The following TRAPPC9 variants were observed in gnomAD, a reference collection of about 807,000 sequenced individuals.
The protein encoded by TRAPPC9 is IKK2 binding protein.
TRAPPC9 carries 83 observed loss-of-function variants against 124.0 expected under a neutral mutation model. That is an observed-to-expected ratio of 0.67 (90% CI 0.56 to 0.80). The LOEUF (loss-of-function observed/expected upper bound fraction) is 0.80, where lower values mean the gene tolerates loss of function less well. TRAPPC9 is among the 30% of genes least tolerant of loss of function. TRAPPC9 has a pLI of 0.00. For synonymous variants in TRAPPC9, 638 were observed against 617.5 expected (o/e 1.03, Z -0.49); for missense variants, 1,302 against 1,508.3 (o/e 0.86, Z 2.27).
chr8:140,016,146 G>GTA (rs893974084), intron 18 of TRAPPC9, among the ~76,000 whole-genome samples: 2 of 152,060 alleles, frequency 1.3e-5, no homozygotes, highest in African/African-American at 4.8e-5. Context: ...TCTCTCCAAC[G>GTA]TATATATATT....
intron 17 of TRAPPC9, among the ~76,000 whole-genome samples, chr8:140,079,467 A>G (rs777190638): frequency 4.3e-4 from 65 of 152,162 alleles, no homozygotes; most frequent in Non-Finnish European, 8.4e-4. Flanking sequence ...AGGACCAGAG[A>G]GGCCACAAGC....
At chr8:140,122,846 C>A (rs1250982888) in intron 17 of TRAPPC9, among the ~76,000 whole-genome samples, 2 of 152,208 alleles carry the variant, frequency 1.3e-5, no homozygotes, top group East Asian at 3.9e-4. Flanking sequence ...CTGAGCCCAT[C>A]TTGAAGGGCC....
chr8:140,395,817 G>C (rs1007866616), intron 7 of TRAPPC9, among the ~76,000 whole-genome samples: 1 of 151,566 alleles, frequency 6.6e-6, no homozygotes, highest in African/African-American at 2.4e-5. Flanking sequence ...CTCTCGTTAT[G>C]TGAGAAGCTG....
At chr8:140,060,311 G>A (rs73359136) in intron 17 of TRAPPC9, among the ~76,000 whole-genome samples, 2,904 of 152,328 alleles carry the variant, frequency 0.019, 88 homozygotes, top group African/African-American at 0.066. Context: ...GGATTCTTCA[G>A]TGCACACCTG....
At chr8:140,207,363 CTATT>C (rs1450712545) in intron 17 of TRAPPC9, among the ~76,000 whole-genome samples, 1 of 152,214 alleles carries the variant, frequency 6.6e-6, no homozygotes, top group African/African-American at 2.4e-5. Context: ...GACGTTGTCT[CTATT>C]TAAACTGCTT....
chr8:140,451,354 A>G lies in TRAPPC9; in HGVS notation c.20T>C (p.Met7Thr), dbSNP rs1326316828. The G allele has an allele frequency of 6.2e-7, 1 of 1,604,516 alleles. No homozygotes were observed. Among genetic ancestry groups the G allele is most frequent in the Non-Finnish European group, 8.5e-7 (1 of 1,179,982 alleles). ...CGTCTGGTGGTCCTCAGCACACTGCATGTAGTCAGGGACGCTCATTTTGAA... is the reference window on the plus strand; with the variant it reads ...CGTCTGGTGGTCCTCAGCACACTGCGTGTAGTCAGGGACGCTCATTTTGAA... MSVPDY[M>T]QCAEDHQTLL... The change falls in exon 2 of 23, where the codon ATG becomes ACG. Residue 7 changes from methionine (M) to threonine (T), a missense_variant. Met to Thr is a moderately conservative substitution (Grantham distance 81, BLOSUM62 -1). Coordinates refer to ENST00000438773, the MANE Select transcript of TRAPPC9 (RefSeq NM_001160372.4).
chr8:139,851,128 G>A (rs1827417493), intron 21 of TRAPPC9, among the ~76,000 whole-genome samples: 1 of 152,228 alleles, frequency 6.6e-6, no homozygotes, highest in African/African-American at 2.4e-5. Context: ...TAACCTGTCA[G>A]TGAATAGAGG....
intron 5 of TRAPPC9, among the ~76,000 whole-genome samples, chr8:140,425,503 G>T (rs1038950917): frequency 6.6e-6 from 1 of 152,122 alleles, no homozygotes; most frequent in Non-Finnish European, 1.5e-5. Flanking sequence ...CTTGAAAAGC[G>T]TCGGAAATCT....
intron 17 of TRAPPC9, among the ~76,000 whole-genome samples, chr8:140,093,197 G>T (rs893373673): frequency 1.3e-5 from 2 of 152,140 alleles, no homozygotes; most frequent in Non-Finnish European, 2.9e-5. Context: ...AATACTTCTT[G>T]ACAGAGATTC....
upstream of TRAPPC9, chr8:140,458,556 T>C (rs763073837): frequency 1.3e-6 from 2 of 1,574,472 alleles, no homozygotes; most frequent in Non-Finnish European, 1.7e-6. Context: ...GATCCCCAGC[T>C]GGCACCATGG....
chr8:140,305,180 C>T (rs369719837), intron 10 of TRAPPC9, among the ~76,000 whole-genome samples: 3 of 152,156 alleles, frequency 2.0e-5, no homozygotes, highest in South Asian at 2.1e-4. Flanking sequence ...CTCACAATCA[C>T]GCTCTCTCCC....
intron 19 of TRAPPC9, among the ~76,000 whole-genome samples, chr8:139,912,515 C>T (rs1054447109): frequency 1.3e-5 from 2 of 152,194 alleles, no homozygotes; most frequent in South Asian, 2.1e-4. Context: ...AGGAACTGTT[C>T]CCAGACATGG....
intron 17 of TRAPPC9, among the ~76,000 whole-genome samples, chr8:140,158,512 C>T (rs922939322): frequency 6.6e-6 from 1 of 152,210 alleles, no homozygotes; most frequent in Non-Finnish European, 1.5e-5. Flanking sequence ...CCTACTGAGG[C>T]CTCTGGCCTC....
chr8:140,364,820 T>A (rs2068063245), intron 8 of TRAPPC9, among the ~76,000 whole-genome samples: 2 of 151,832 alleles, frequency 1.3e-5, no homozygotes, highest in African/African-American at 2.4e-5. Flanking sequence ...GATCCACCCA[T>A]CTTGACCTCC....
chr8:140,342,281 G>T (rs2067217674), intron 9 of TRAPPC9, among the ~76,000 whole-genome samples: 1 of 152,010 alleles, frequency 6.6e-6, no homozygotes, highest in Non-Finnish European at 1.5e-5. Flanking sequence ...GTTCTATTTT[G>T]GTTCACCTAA....
chr8:139,823,597 G>A (rs1404574211), intron 21 of TRAPPC9, among the ~76,000 whole-genome samples: 1 of 152,172 alleles, frequency 6.6e-6, no homozygotes, highest in Admixed American at 6.5e-5. Context: ...TGTGCTCCAG[G>A]AGCTGCCATG....
intron 21 of TRAPPC9, among the ~76,000 whole-genome samples, chr8:139,784,606 GACATATATATATATATAT>G (rs1285862238): frequency 6.6e-5 from 2 of 30,434 alleles, no homozygotes; most frequent in African/African-American, 9.7e-5. Context: ...ATAAAAGACT[GACATATATATATATATAT>G]ATATATATAT....
intron 17 of TRAPPC9, among the ~76,000 whole-genome samples, chr8:140,180,505 T>G (rs778950123): frequency 2.6e-5 from 4 of 152,150 alleles, no homozygotes; most frequent in Admixed American, 6.5e-5. Context: ...TTACCTATAT[T>G]TCTACCATTT....
chr8:140,141,025 C>T (rs1457935812), intron 17 of TRAPPC9, among the ~76,000 whole-genome samples: 1 of 152,192 alleles, frequency 6.6e-6, no homozygotes, highest in South Asian at 2.1e-4. Context: ...TTATTTTGTT[C>T]TTCATGCTAA....
Sources: allele counts gnomAD v4.1 joint callset (sites outside exome capture counted in the v4.1 genomes callset), GRCh38; gene constraint gnomAD v4.1.1; transcripts MANE v1.5; gene names NCBI Gene and HGNC (gene_info 2026-07-23, HGNC 2026-07-21).